Variants in LRRC4C observed in about 807,000 individuals in gnomAD.
LRRC4C encodes the protein leucine rich repeat containing 4C.
Under a neutral mutation model 33.6 loss-of-function variants are expected in LRRC4C, and 5 were observed. The ratio of observed to expected loss-of-function variants is 0.15; its 90% CI spans 0.08 to 0.31. The LOEUF is 0.31. Among genes scored for constraint, LRRC4C ranks in the 10% least tolerant of loss-of-function variants. The pLI, the probability that LRRC4C is intolerant of heterozygous loss-of-function variation, is 1.00. For synonymous variants in LRRC4C, 329 were observed against 302.0 expected, an observed-to-expected ratio of 1.09 and a Z score of -0.93; for missense variants, 560 against 796.7, an observed-to-expected ratio of 0.70 and a Z score of 3.58.
At chr11:41,213,807 A>G (rs1483586887) in intron 1 of LRRC4C, among the ~76,000 whole-genome samples, 1 of 152,216 alleles carries the variant, frequency 6.6e-6, no homozygotes, top group Non-Finnish European at 1.5e-5. Context: ...GAAATCAGAC[A>G]TAGACTGAAT....
intron 1 of LRRC4C, among the ~76,000 whole-genome samples, chr11:41,318,047 A>C (rs1204620164): frequency 6.6e-6 from 1 of 152,192 alleles, no homozygotes; most frequent in East Asian, 1.9e-4. Context: ...GAAATATGGA[A>C]GTCATGCTGC....
chr11:40,707,077 G>A (rs1946203611), intron 2 of LRRC4C, among the ~76,000 whole-genome samples: 1 of 152,198 alleles, frequency 6.6e-6, no homozygotes, highest in African/African-American at 2.4e-5. Context: ...CTGAGACTTT[G>A]TTGAAGTTGC....
At chr11:41,114,800 G>T (rs937565679) in intron 1 of LRRC4C, among the ~76,000 whole-genome samples, 1 of 152,026 alleles carries the variant, frequency 6.6e-6, no homozygotes, top group African/African-American at 2.4e-5. Flanking sequence ...ATCAAAGAAA[G>T]TAGTAAATGA....
intron 3 of LRRC4C, among the ~76,000 whole-genome samples, chr11:40,449,731 T>G (rs1243671806): frequency 2.6e-5 from 4 of 152,208 alleles, no homozygotes; most frequent in Admixed American, 1.3e-4. Flanking sequence ...TTTTATCATT[T>G]TTATAATGGC....
intron 1 of LRRC4C, among the ~76,000 whole-genome samples, chr11:41,078,878 A>G (rs982848296): frequency 6.6e-6 from 1 of 152,102 alleles, no homozygotes; most frequent in Non-Finnish European, 1.5e-5. Context: ...CACCTCAACT[A>G]CTAATAACTA....
chr11:41,438,064 A>AATAAATAAATAAATAAATAC (rs71063917), intron 1 of LRRC4C, among the ~76,000 whole-genome samples: 111 of 148,664 alleles, frequency 7.5e-4, no homozygotes, highest in African/African-American at 8.9e-4. Flanking sequence ...TAAATAAATA[A>AATAAATAAATAAATAAATAC]ATAAATAATA....
chr11:40,298,694 C>A (rs1023586301), intron 4 of LRRC4C, among the ~76,000 whole-genome samples: 2 of 151,892 alleles, frequency 1.3e-5, no homozygotes, highest in African/African-American at 4.8e-5. Flanking sequence ...CCAAGACAGG[C>A]TAATTTATAA....
At chr11:40,467,280 T>C (rs1463642031) in intron 3 of LRRC4C, among the ~76,000 whole-genome samples, 2 of 152,162 alleles carry the variant, frequency 1.3e-5, no homozygotes, top group Admixed American at 6.6e-5. Flanking sequence ...TACTCATTCT[T>C]TAGCATTTTG....
intron 4 of LRRC4C, chr11:40,241,967 C>T (rs567836307): frequency 6.6e-6 from 1 of 152,238 alleles, no homozygotes; most frequent in Non-Finnish European, 1.5e-5. Context: ...TGTCTGGGCC[C>T]TGCTTCAGGA....
At chr11:40,219,701 A>G (rs975257153) in intron 5 of LRRC4C, among the ~76,000 whole-genome samples, 3 of 149,294 alleles carry the variant, frequency 2.0e-5, no homozygotes, top group African/African-American at 7.3e-5. Context: ...TAGAGAACAA[A>G]ACAGTGATTA....
rs910906426 is a variant in LRRC4C at position 41,068,789 on chromosome 11, C to CA, written c.-495-135067dup. ...TACCAACCAACAACCAAAAAACAAA[C>CA]AAAAAAAATGCCCAGAACCAGATGG... is the stretch of plus-strand genomic sequence containing the variant. On this transcript the variant is annotated intron_variant, in intron 1 of 6. Transcript: ENST00000528697. Among the ~76,000 whole-genome samples the CA allele has an allele frequency of 6.6e-5, 10 of 151,602 alleles. No individual in the cohort carries two copies. In the East Asian group the frequency reaches 7.8e-4, roughly 12 times the overall value.
At chr11:40,445,131 T>C (rs1274334769) in intron 3 of LRRC4C, among the ~76,000 whole-genome samples, 1 of 152,092 alleles carries the variant, frequency 6.6e-6, no homozygotes, top group Non-Finnish European at 1.5e-5. Flanking sequence ...CTGACCATAT[T>C]CCCTATAAAA....
chr11:40,569,763 G>A (rs909867186), intron 3 of LRRC4C, among the ~76,000 whole-genome samples: 9 of 151,772 alleles, frequency 5.9e-5, no homozygotes, highest in African/African-American at 9.7e-5. Flanking sequence ...AATGAAAAAC[G>A]GACCTCTATT....
At chr11:40,355,214 C>T (rs1947603543) in intron 3 of LRRC4C, among the ~76,000 whole-genome samples, 1 of 152,122 alleles carries the variant, frequency 6.6e-6, no homozygotes, top group Non-Finnish European at 1.5e-5. Context: ...GTCCTCTTTA[C>T]TCTCTTCTCA....
chr11:40,426,938 T>C (rs993285806), intron 3 of LRRC4C, among the ~76,000 whole-genome samples: 1 of 152,224 alleles, frequency 6.6e-6, no homozygotes, highest in African/African-American at 2.4e-5. Flanking sequence ...TCCTTCTTTC[T>C]GACATCTGAC....
chr11:40,480,585 C>T (rs1953503217), intron 3 of LRRC4C, among the ~76,000 whole-genome samples: 3 of 151,566 alleles, frequency 2.0e-5, no homozygotes, highest in South Asian at 2.1e-4. Context: ...CATAATTTAC[C>T]ATATAACAAA....
At chr11:41,062,198 A>G (rs759883793) in intron 1 of LRRC4C, among the ~76,000 whole-genome samples, 1 of 152,208 alleles carries the variant, frequency 6.6e-6, no homozygotes, top group Non-Finnish European at 1.5e-5. Flanking sequence ...TCACCCAGGT[A>G]TTAAGCCTAG....
At chr11:40,184,310 T>C (rs1302855674) in intron 5 of LRRC4C, among the ~76,000 whole-genome samples, 3 of 152,170 alleles carry the variant, frequency 2.0e-5, no homozygotes, top group African/African-American at 4.8e-5. Flanking sequence ...GGAAGAATAA[T>C]ATTAAATATT....
At position 41,352,102 on chromosome 11, in the gene LRRC4C, A is replaced by G. The variant is rs577652213; in HGVS notation, c.-496+107329T>C. ...GGATAAAGAAGCAAGATGTAACGAC[A>G]TGCTATCTTCAGGAGACCCATCTCA... On this transcript the variant is annotated intron_variant, in intron 1 of 6. Transcript: ENST00000528697. 4.6e-5 allele frequency among the ~76,000 whole-genome samples: 7 copies of G among 152,318 alleles called. No homozygotes were observed. The South Asian group carries it at 1.2e-3, about 27-fold the overall frequency.
Sources: allele counts gnomAD v4.1 joint callset (sites outside exome capture counted in the v4.1 genomes callset), GRCh38; gene constraint gnomAD v4.1.1; transcripts MANE v1.5; gene names NCBI Gene and HGNC (gene_info 2026-07-23, HGNC 2026-07-21).